Variants in RGS6 observed in about 807,000 individuals in gnomAD.
RGS6 encodes the protein regulator of G-protein signaling 6.
In RGS6, 30 loss-of-function variants were observed where a neutral mutation model predicts 78.5. That is an observed-to-expected ratio of 0.38 (90% CI 0.29 to 0.52). The LOEUF is 0.52. Among genes scored for constraint, RGS6 ranks in the 20% least tolerant of loss-of-function variants. RGS6 has a pLI of 0.85. For synonymous variants in RGS6, 206 were observed against 206.0 expected (o/e 1.00, Z 0.00); for missense variants, 495 against 609.7 (o/e 0.81, Z 1.98).
intron 2 of RGS6, among the ~76,000 whole-genome samples, chr14:72,117,772 A>G (rs2095938100): frequency 6.6e-6 from 1 of 152,160 alleles, no homozygotes; most frequent in Non-Finnish European, 1.5e-5. Flanking sequence ...TTTATGCCTT[A>G]AAAGGACCAC....
At chr14:72,002,476 G>A (rs11623376) in intron 2 of RGS6, among the ~76,000 whole-genome samples, 95,102 of 151,912 alleles carry the variant, frequency 0.63, 30,395 homozygotes, top group South Asian at 0.7. Context: ...GTTGATTGTG[G>A]AGAGGGCCCA....
intron 3 of RGS6, among the ~76,000 whole-genome samples, chr14:72,431,528 T>TA (rs902952130): frequency 1.6e-5 from 1 of 60,812 alleles, no homozygotes; most frequent in African/African-American, 7.2e-5. Context: ...TTGTTTTATT[T>TA]ATTTTATTTT....
At chr14:72,012,411 A>G (rs1056229034) in intron 2 of RGS6, among the ~76,000 whole-genome samples, 2 of 152,204 alleles carry the variant, frequency 1.3e-5, no homozygotes, top group Admixed American at 6.5e-5. Flanking sequence ...AAAGAATGTC[A>G]TGAACATTTC....
chr14:72,156,079 G>A (rs1335939726), intron 2 of RGS6, among the ~76,000 whole-genome samples: 1 of 152,216 alleles, frequency 6.6e-6, no homozygotes. Flanking sequence ...GTCTACCTGA[G>A]TAATTCCAAT....
At chr14:72,458,495 A>C in intron 5 of RGS6, 118 bp downstream of exon 5, 1 of 733,838 alleles carries the variant, frequency 1.4e-6, no homozygotes, top group Non-Finnish European at 2.2e-6. Context: ...ACTCCTCATC[A>C]GCACTGGGAA....
chr14:72,105,452 A>G (rs1345364078), intron 2 of RGS6, among the ~76,000 whole-genome samples: 1 of 152,220 alleles, frequency 6.6e-6, no homozygotes, highest in Non-Finnish European at 1.5e-5. Context: ...TGTGGAATTG[A>G]ATGTATTAGC....
chr14:72,538,808 T>C (rs192168199), intron 16 of RGS6, among the ~76,000 whole-genome samples: 366 of 152,338 alleles, frequency 2.4e-3, no homozygotes, highest in African/African-American at 8.4e-3. Flanking sequence ...TGCAACCTCA[T>C]ATCTGTCTTC....
chr14:72,092,474 C>A (rs2190634), intron 2 of RGS6, among the ~76,000 whole-genome samples: 1 of 151,774 alleles, frequency 6.6e-6, no homozygotes, highest in Non-Finnish European at 1.5e-5. Context: ...CTCCGCCTCC[C>A]GGGTTCAAGT....
intron 15 of RGS6, among the ~76,000 whole-genome samples, chr14:72,524,505 G>A (rs1363998421): frequency 6.6e-6 from 1 of 152,236 alleles, no homozygotes; most frequent in African/African-American, 2.4e-5. Context: ...AGATGAGATA[G>A]AAATCAAATG....
At chr14:71,985,155 C>T (rs967789406) in intron 2 of RGS6, among the ~76,000 whole-genome samples, 7 of 152,100 alleles carry the variant, frequency 4.6e-5, no homozygotes, top group East Asian at 1.9e-4. Context: ...GATGGAGTCT[C>T]GTTCTGTCAC....
chr14:72,009,561 A>G (rs1286349534), intron 2 of RGS6, among the ~76,000 whole-genome samples: 6 of 152,220 alleles, frequency 3.9e-5, no homozygotes, highest in African/African-American at 9.7e-5. Flanking sequence ...TTCTTTTGCT[A>G]TAATAAATCC....
intron 2 of RGS6, among the ~76,000 whole-genome samples, chr14:72,093,078 T>C (rs994399350): frequency 2.0e-5 from 3 of 151,828 alleles, no homozygotes; most frequent in African/African-American, 7.3e-5. Context: ...AATACCAATA[T>C]AACCAGCATT....
intron 2 of RGS6, among the ~76,000 whole-genome samples, chr14:72,201,687 A>G (rs1445678789): frequency 2.6e-5 from 4 of 152,220 alleles, no homozygotes; most frequent in African/African-American, 9.7e-5. Context: ...CTGAGGTGGG[A>G]TAAAAGGGTC....
chr14:72,083,541 G>A (rs1053281149), intron 2 of RGS6, among the ~76,000 whole-genome samples: 1 of 152,208 alleles, frequency 6.6e-6, no homozygotes, highest in African/African-American at 2.4e-5. Flanking sequence ...GAGGGGCTAT[G>A]TGGATGTTGT....
chr14:72,258,860 A>G lies in RGS6; in HGVS notation c.85-93235A>G, dbSNP rs565349599. ...GGGGAAAGGGTCTAAAATGGGGTTA[A>G]CAAGTTGTACCTTTTGTGCAGATCT... On this transcript the variant is annotated intron_variant, in intron 2 of 17. Transcript: ENST00000553525. Among the ~76,000 whole-genome samples the G allele has an allele frequency of 5.3e-5, 8 of 152,332 alleles. No individual in the cohort carries two copies. In the South Asian group the frequency reaches 1.7e-3, roughly 32 times the overall value.
intron 2 of RGS6, among the ~76,000 whole-genome samples, chr14:72,315,815 C>A (rs2070002490): frequency 6.6e-6 from 1 of 152,198 alleles, no homozygotes; most frequent in Non-Finnish European, 1.5e-5. Context: ...GAAAGGAAGA[C>A]CTTTCACCAC....
intron 2 of RGS6, among the ~76,000 whole-genome samples, chr14:72,222,547 T>C (rs926981054): frequency 1.3e-5 from 2 of 152,222 alleles, no homozygotes; most frequent in African/African-American, 4.8e-5. Context: ...ATCACTTCGA[T>C]TCCATTTAAG....
chr14:71,923,550 A>G, the RGS6 span, among the ~76,000 whole-genome samples: 1 of 152,112 alleles, frequency 6.6e-6, no homozygotes, highest in Non-Finnish European at 1.5e-5. Context: ...GCAAGACCTC[A>G]TATCTATTTT....
At chr14:71,919,158 T>A in the RGS6 span, among the ~76,000 whole-genome samples, 3 of 152,268 alleles carry the variant, frequency 2.0e-5, no homozygotes, top group South Asian at 6.2e-4. Flanking sequence ...AGCTCCCAGC[T>A]TCCCCACGGC....
Sources: gnomAD v4.1 joint callset for allele counts (sites outside exome capture counted in the v4.1 genomes callset) on GRCh38, gnomAD v4.1.1 for gene constraint, MANE v1.5 for transcripts, NCBI Gene and HGNC (gene_info 2026-07-23, HGNC 2026-07-21) for gene names.